Variants in CC2D2B observed in about 807,000 individuals in gnomAD.
CC2D2B encodes protein CC2D2B.
CC2D2B carries 128 observed loss-of-function variants against 161.2 expected under a neutral mutation model. The observed-to-expected ratio is 0.79, with a 90% CI of 0.69 to 0.92. CC2D2B has a LOEUF of 0.92. CC2D2B is among the 40% of genes least tolerant of loss of function. CC2D2B has a pLI of 0.00. For synonymous variants in CC2D2B, 391 were observed against 449.8 expected (o/e 0.87, Z 1.65); for missense variants, 1,173 against 1,375.1 (o/e 0.85, Z 2.32).
At chr10:95,911,179 T>C in intron 1 of CC2D2B, 122 bp from the exon 2 acceptor site, 1 of 193,616 alleles carries the variant, frequency 5.2e-6, no homozygotes, top group Non-Finnish European at 1.0e-5. Context: ...GTAAAAGTGA[T>C]AGTATATCTG....
intron 17 of CC2D2B, among the ~76,000 whole-genome samples, chr10:95,980,320 GA>G (rs1292938124): frequency 1.3e-5 from 2 of 152,192 alleles, no homozygotes; most frequent in East Asian, 3.8e-4. Context: ...GCAGCTGGGG[GA>G]ATCATTGTAG....
chr10:95,962,628 C>T (rs2076799674), intron 12 of CC2D2B, among the ~76,000 whole-genome samples: 1 of 152,086 alleles, frequency 6.6e-6, no homozygotes, highest in Non-Finnish European at 1.5e-5. Flanking sequence ...TGTGAACTCA[C>T]AGGGAAATAA....
intron 30 of CC2D2B, 98 bp from the exon 31 acceptor site, chr10:96,019,105 C>T: frequency 9.3e-7 from 1 of 1,069,864 alleles, no homozygotes; most frequent in Non-Finnish European, 1.3e-6. Flanking sequence ...CCACACTCCA[C>T]TAAAAAAGGC....
chr10:95,961,796 T>C, intron 11 of CC2D2B, 33 bp from the exon 12 acceptor site: 1 of 1,224,086 alleles, frequency 8.2e-7, no homozygotes, highest in Non-Finnish European at 1.0e-6. Flanking sequence ...TCTAATCCAC[T>C]GACAAATTTT....
intron 17 of CC2D2B, among the ~76,000 whole-genome samples, chr10:95,981,703 T>C (rs2077536663): frequency 6.6e-6 from 1 of 152,218 alleles, no homozygotes; most frequent in Admixed American, 6.5e-5. Context: ...ACATACAATA[T>C]CGATGGCAAA....
intron 14 of CC2D2B, among the ~76,000 whole-genome samples, chr10:95,967,723 A>G (rs1334570589): frequency 6.6e-6 from 1 of 152,208 alleles, no homozygotes; most frequent in Admixed American, 6.6e-5. Flanking sequence ...GGTAACTTTT[A>G]CTTAGATATT....
At chr10:96,016,157 C>T (rs753204095) in intron 29 of CC2D2B, 44 bp from the exon 30 acceptor site, 14 of 1,337,692 alleles carry the variant, frequency 1.0e-5, no homozygotes, top group South Asian at 6.0e-5. Flanking sequence ...TCAACTTTCC[C>T]GCACTTTTCT....
chr10:96,010,153 AAAC>A (rs1313761522), intron 26 of CC2D2B, among the ~76,000 whole-genome samples: 2 of 152,206 alleles, frequency 1.3e-5, no homozygotes, highest in Non-Finnish European at 2.9e-5. Context: ...TTAGGTCTTA[AAAC>A]AACATTTGTA....
intron 3 of CC2D2B, among the ~76,000 whole-genome samples, chr10:95,923,894 G>A (rs1446953311): frequency 3.3e-5 from 5 of 152,048 alleles, no homozygotes; most frequent in African/African-American, 9.7e-5. Flanking sequence ...GGTGGCGCAC[G>A]CCTGTAATCC....
Position 95,991,419 on chromosome 10 carries a change from T to C in CC2D2B, c.2429T>C (p.Leu810Ser). The C allele has an allele frequency of 8.7e-7, 1 of 1,148,200 alleles. No homozygotes were observed. Among genetic ancestry groups the C allele is most frequent in the Non-Finnish European group, 1.1e-6 (1 of 910,926 alleles). The allele number at this position is 1,148,200 out of a possible 1,614,324, so 71.1% of individuals were successfully genotyped here. A position where few individuals can be genotyped will look rare whatever the true frequency, so the allele number is the denominator to read the frequency against. ...KRIVKISKCN[L>S]SDIVNDYEEI... ...ATTGTTAAAATTAGCAAATGTAACT[T>C]GTCAGATATTGTGAATGATTATGAA... The change falls in exon 21 of 35, where the codon TTG (leucine) becomes TCG (serine). Residue 810 changes from leucine to serine, a missense_variant. Coordinates refer to ENST00000646931, the MANE Select transcript of CC2D2B (RefSeq NM_001349008.3).
intron 9 of CC2D2B, among the ~76,000 whole-genome samples, chr10:95,941,312 C>A (rs977064620): frequency 6.6e-6 from 1 of 151,966 alleles, no homozygotes; most frequent in Non-Finnish European, 1.5e-5. Context: ...ACACCAAAAG[C>A]GTAGGCAACA....
At position 95,972,210 on chromosome 10, in the gene CC2D2B, G is replaced by C; in HGVS notation, c.1789G>C (p.Gly597Arg). The C allele has an allele frequency of 8.1e-7, 1 of 1,231,978 alleles. No homozygotes were observed. Among genetic ancestry groups the C allele is most frequent in the Non-Finnish European group, 1.0e-6 (1 of 987,852 alleles). The allele number at this position is 1,231,978 out of a possible 1,614,324, so 76.3% of individuals were successfully genotyped here. Residue 597 changes from glycine (G) to arginine (R), a missense_variant, in exon 16 of 35, where the codon GGA becomes CGA. This residue lies in a region of CC2D2B where 277 missense variants were observed against 420.6 expected (regional missense o/e 0.66). Transcript: ENST00000646931. ...KLVMPADGEV[G>R]SNVPFLLEGN... ...GGTCATGCCTGCCGATGGAGAAGTA[G>C]GAAGCAGTGAGTTTATTAAAAATAT...
chr10:95,914,000 C>T (rs1168951683), intron 2 of CC2D2B, among the ~76,000 whole-genome samples: 2 of 152,106 alleles, frequency 1.3e-5, no homozygotes, highest in African/African-American at 4.8e-5. Flanking sequence ...GCTTTGATTG[C>T]CTGTGCTTTT....
chr10:95,971,442 T>C (rs10509695), intron 15 of CC2D2B, among the ~76,000 whole-genome samples: 40,323 of 150,520 alleles, frequency 0.27, 6,424 homozygotes, highest in Admixed American at 0.36. Flanking sequence ...TAAACTTATA[T>C]GGAATTGTAG....
Position 95,965,452 on chromosome 10 carries a change from A to G in CC2D2B, c.1251-444A>G, listed in dbSNP as rs77192148. On this transcript the variant is annotated intron_variant, in intron 12 of 34. Coordinates refer to ENST00000646931, the MANE Select transcript of CC2D2B (RefSeq NM_001349008.3). Reference sequence around the variant, plus strand: ...GCCATGAATTGTTTACTGTTTATGCATAAACACCAACTATGATTTACTACT... The same window carrying G: ...GCCATGAATTGTTTACTGTTTATGCGTAAACACCAACTATGATTTACTACT... 3.7e-3 allele frequency among the ~76,000 whole-genome samples: 560 copies of G among 152,238 alleles called. 3 individuals carry two copies. Among genetic ancestry groups the G allele is most frequent in the Non-Finnish European group, 5.4e-3 (369 of 67,956 alleles).
intron 17 of CC2D2B, among the ~76,000 whole-genome samples, chr10:95,976,057 G>A (rs991235002): frequency 1.3e-5 from 2 of 151,990 alleles, no homozygotes. Flanking sequence ...TTCTACAGAC[G>A]CATTTATATC....
At chr10:95,968,652 C>T in intron 14 of CC2D2B, 72 bp from the exon 15 acceptor site, 1 of 558,632 alleles carries the variant, frequency 1.8e-6, no homozygotes, top group Non-Finnish European at 2.7e-6. Context: ...TGCTAATATA[C>T]ATTTTGAAAG....
chr10:95,926,522 AT>A (rs2098538769), intron 5 of CC2D2B, among the ~76,000 whole-genome samples: 1 of 151,368 alleles, frequency 6.6e-6, no homozygotes, highest in Non-Finnish European at 1.5e-5. Flanking sequence ...ATTTTATAAA[AT>A]TATCTTATAT....
At chr10:95,993,900 ATGTGTGTGTG>A (rs1270650458) in intron 22 of CC2D2B, among the ~76,000 whole-genome samples, 36 of 40,064 alleles carry the variant, frequency 9.0e-4, no homozygotes, top group East Asian at 1.2e-3. Flanking sequence ...GAGAGAGAGA[ATGTGTGTGTG>A]TGTGTGTGTG....
Sources: gnomAD v4.1 joint callset for allele counts (sites outside exome capture counted in the v4.1 genomes callset) on GRCh38, gnomAD v4.1.1 for gene constraint, gnomAD v4.1.1 regional missense constraint, MANE v1.5 for transcripts, NCBI Gene and HGNC (gene_info 2026-07-23, HGNC 2026-07-21) for gene names.